ANK3: variants seen among roughly 807,000 people sequenced by gnomAD.
ANK3 encodes ankyrin-3.
In ANK3, 57 loss-of-function variants were observed where a neutral mutation model predicts 370.9. The observed-to-expected ratio is 0.15, with a 90% CI of 0.12 to 0.19. The LOEUF is 0.19. Among genes scored for constraint, ANK3 ranks in the 10% least tolerant of loss-of-function variants. The pLI, the probability that ANK3 is intolerant of heterozygous loss-of-function variation, is 1.00. For missense variants in ANK3, 4,439 were observed against 5,302.1 expected (o/e 0.84, Z 5.06); for synonymous variants, 1,929 against 1,946.3 (o/e 0.99, Z 0.23).
intron 2 of ANK3, among the ~76,000 whole-genome samples, chr10:60,398,850 C>T (rs949925024): frequency 2.6e-5 from 4 of 152,158 alleles, no homozygotes; most frequent in Non-Finnish European, 5.9e-5. Flanking sequence ...AAACACAATG[C>T]CCTGTATGCA....
In ANK3 at chr10:60,440,375, A is replaced by G. The variant is rs138537313; in HGVS notation, c.97-160736T>C. Among the ~76,000 whole-genome samples, 804 of 152,286 alleles carry G rather than the reference A, an allele frequency of 5.3e-3. 4 individuals are homozygous for G. The highest frequency in any genetic ancestry group is 9.7e-3 in the South Asian group (47 of 4,822). On this transcript the variant is annotated intron_variant, in intron 2 of 43. Coordinates refer to the ANK3 transcript ENST00000373827. ...CTGGGGAGGCCTCAGGAAACTTACA[A>G]TCATGGTGGAAGGGGGAGCAGGCAT...
intron 25 of ANK3, among the ~76,000 whole-genome samples, chr10:60,121,990 GA>G (rs2093506650): frequency 6.6e-6 from 1 of 152,142 alleles, no homozygotes; most frequent in African/African-American, 2.4e-5. Flanking sequence ...GGTTAAAGAT[GA>G]ACTAGACCTG....
chr10:60,350,933 T>C (rs2056733135), intron 1 of ANK3, among the ~76,000 whole-genome samples: 2 of 151,956 alleles, frequency 1.3e-5, no homozygotes, highest in Admixed American at 6.6e-5. Flanking sequence ...TAGCTCCAAT[T>C]ACTTAAAACT....
Position 60,071,217 on chromosome 10 carries a change from T to C in ANK3, c.9664A>G (p.Thr3222Ala). ...QAKSTSLKQT[T>A]VEETAVEREM... ...CGCTCAACTGCTGTTTCCTCCACTG[T>C]AGTCTGCTTAAGGGAGGTTGACTTG... is the stretch of plus-strand genomic sequence containing the variant. Residue 3222 changes from threonine (T) to alanine (A), a missense_variant, in exon 37 of 44, where the codon ACA becomes GCA. Around this residue, in one of 13 missense-constraint regions of ANK3, gnomAD observed 1,601 missense variants for 1,731.7 expected, o/e 0.92. Transcript: ENST00000280772. 6.2e-7 allele frequency: 1 copy of C among 1,614,158 alleles called. No homozygotes were observed. The highest frequency in any genetic ancestry group is 1.6e-4 in the Middle Eastern group (1 of 6,062).
chr10:60,393,944 A>T (rs1218470512), upstream of ANK3, among the ~76,000 whole-genome samples: 1 of 151,820 alleles, frequency 6.6e-6, no homozygotes, highest in African/African-American at 2.4e-5. Context: ...CTAAAGAGAG[A>T]AATGGTTCCA....
intron 1 of ANK3, among the ~76,000 whole-genome samples, chr10:60,660,235 A>G (rs545985623): frequency 3.9e-5 from 6 of 152,270 alleles, no homozygotes; most frequent in African/African-American, 1.4e-4. Flanking sequence ...TGCAGGCACT[A>G]AAATATTTCT....
chr10:60,141,149 T>A, intron 23 of ANK3: 1 of 406,328 alleles, frequency 2.5e-6, no homozygotes, highest in Non-Finnish European at 3.3e-6. Flanking sequence ...TTCCCATAAC[T>A]CTCCAAGAGG....
chr10:60,486,517 T>G (rs750417174), intron 2 of ANK3, among the ~76,000 whole-genome samples: 3 of 152,184 alleles, frequency 2.0e-5, no homozygotes, highest in African/African-American at 7.2e-5. Context: ...GAGGCAGAGG[T>G]TGCAGTGAGC....
At chr10:60,486,211 C>T (rs146853285) in intron 2 of ANK3, among the ~76,000 whole-genome samples, 42 of 152,230 alleles carry the variant, frequency 2.8e-4, no homozygotes, top group African/African-American at 9.9e-4. Flanking sequence ...CTCATTGATC[C>T]TCTAATAAAA....
chr10:60,547,607 C>A (rs1309366831), intron 2 of ANK3, among the ~76,000 whole-genome samples: 4 of 151,708 alleles, frequency 2.6e-5, no homozygotes, highest in Admixed American at 2.6e-4. Flanking sequence ...GAACTCCTGA[C>A]CTGGTGATCC....
intron 1 of ANK3, among the ~76,000 whole-genome samples, chr10:60,663,235 A>G (rs1202258782): frequency 6.6e-6 from 1 of 152,162 alleles, no homozygotes; most frequent in East Asian, 1.9e-4. Context: ...AAACTACTAC[A>G]AGCATTTTGT....
intron 8 of ANK3, among the ~76,000 whole-genome samples, chr10:60,225,764 A>T (rs971398067): frequency 6.6e-6 from 1 of 151,736 alleles, no homozygotes; most frequent in African/African-American, 2.4e-5. Context: ...ACACACCCTT[A>T]TGTTATTTGT....
Position 60,203,011 on chromosome 10 carries a change from G to C in ANK3, c.1383C>G (p.Thr461=), listed in dbSNP as rs778435681. ...QLMHHGASPN[T]TNVRGETALH... is the part of the protein sequence containing the mutation. ...TTCAAAGAATACTTACCACATTGGT[G>C]GTGTTTGGTGAGGCTCCATGATGCA... The change falls in exon 12 of 44, where the codon ACC becomes ACG. Residue 461 remains threonine, a synonymous_variant. Coordinates refer to ENST00000280772, the MANE Select transcript of ANK3 (RefSeq NM_020987.5). 2 of 1,610,028 alleles carry C rather than the reference G, an allele frequency of 1.2e-6. No individual in the cohort carries two copies. The highest frequency in any genetic ancestry group is 1.7e-6 in the Non-Finnish European group (2 of 1,176,872).
intron 43 of ANK3, 92 bp from the exon 44 acceptor site, chr10:60,029,918 G>GT (rs1451885117): frequency 1.0e-5 from 1 of 96,636 alleles, no homozygotes; most frequent in Non-Finnish European, 1.9e-5. Flanking sequence ...GACAACTAGT[G>GT]TAAGCCTTAC....
In ANK3 at chr10:60,564,283, T is replaced by C. The variant is rs138552220; in HGVS notation, c.96+50903A>G. Among the ~76,000 whole-genome samples the C allele has an allele frequency of 4.5e-4, 68 of 152,284 alleles. No individual in the cohort carries two copies. In the East Asian group the frequency reaches 0.012, roughly 27 times the overall value. On this transcript the variant is annotated intron_variant, in intron 2 of 43. Coordinates refer to the ANK3 transcript ENST00000373827. ...TGTTTAAAGTAAAATGGAAAAGGAT[T>C]AACATGCCTCTTGATATGGAGTGTA...
intron 2 of ANK3, among the ~76,000 whole-genome samples, chr10:60,560,451 T>A (rs998684785): frequency 6.6e-6 from 1 of 152,348 alleles, no homozygotes; most frequent in African/African-American, 2.4e-5. Flanking sequence ...GCAATTTTTT[T>A]AAAAGCTGGA....
intron 8 of ANK3, among the ~76,000 whole-genome samples, chr10:60,227,329 G>A (rs1423709640): frequency 6.6e-6 from 1 of 151,924 alleles, no homozygotes; most frequent in Non-Finnish European, 1.5e-5. Flanking sequence ...TCCCATTCAT[G>A]ATATGTCTTT....
Position 60,641,096 on chromosome 10 carries a change from G to T in ANK3, c.58-25872C>A, listed in dbSNP as rs1432188933. Among the ~76,000 whole-genome samples the T allele has an allele frequency of 2.1e-3, 309 of 150,432 alleles. 2 individuals carry two copies. Among genetic ancestry groups the T allele is most frequent in the Middle Eastern group, 6.9e-3 (2 of 290 alleles). On this transcript the variant is annotated intron_variant, in intron 1 of 43. Transcript: ENST00000373827. ...AAGGGATGTGAAGGACCTCTTCAAG[G>T]AGAACTACAAACCACTGCTCAAGGA...
intron 1 of ANK3, among the ~76,000 whole-genome samples, chr10:60,342,854 T>G (rs968542944): frequency 6.6e-5 from 10 of 152,192 alleles, no homozygotes; most frequent in African/African-American, 2.4e-4. Flanking sequence ...CCAGTACATT[T>G]GAGAAATGCT....
Sources: gnomAD v4.1 joint callset for allele counts (sites outside exome capture counted in the v4.1 genomes callset) on GRCh38, gnomAD v4.1.1 for gene constraint, gnomAD v4.1.1 regional missense constraint, MANE v1.5 for transcripts, NCBI Gene and HGNC (gene_info 2026-07-23, HGNC 2026-07-21) for gene names.